The following SNX24 variants were observed in gnomAD, a reference collection of about 807,000 sequenced individuals.
SNX24 encodes sorting nexin 24.
In SNX24, 22 loss-of-function variants were observed where a neutral mutation model predicts 28.7. The ratio of observed to expected loss-of-function variants is 0.77; its 90% CI spans 0.55 to 1.10. The LOEUF (loss-of-function observed/expected upper bound fraction) is 1.10, where lower values mean the gene tolerates loss of function less well. SNX24 is among the 50% of genes least tolerant of loss of function. SNX24 has a pLI of 0.00. For synonymous variants in SNX24, 69 were observed against 71.5 expected, an observed-to-expected ratio of 0.96 and a Z score of 0.18; for missense variants, 221 against 201.1, an observed-to-expected ratio of 1.10 and a Z score of -0.60.
intron 1 of SNX24, among the ~76,000 whole-genome samples, chr5:122,858,334 G>T (rs1000000360): frequency 6.6e-6 from 1 of 152,134 alleles, no homozygotes; most frequent in African/African-American, 2.4e-5. Context: ...GAAAAATGCC[G>T]CCGATAGGCT....
intron 2 of SNX24, among the ~76,000 whole-genome samples, chr5:122,939,996 C>CT (rs11419088): frequency 0.39 from 57,569 of 147,636 alleles, 11,624 homozygotes; most frequent in African/African-American, 0.47. Context: ...TTTTCATTTT[C>CT]TTTTTTTTTT....
intron 1 of SNX24, among the ~76,000 whole-genome samples, chr5:122,905,043 C>T (rs1428527400): frequency 2.0e-5 from 3 of 152,174 alleles, no homozygotes; most frequent in African/African-American, 7.2e-5. Context: ...CAGAAAAGTT[C>T]TTCAAGTCCT....
chr5:122,872,728 T>G (rs1257789898), intron 1 of SNX24, among the ~76,000 whole-genome samples: 2 of 152,102 alleles, frequency 1.3e-5, no homozygotes, highest in African/African-American at 4.8e-5. Flanking sequence ...TTTTTTCCCT[T>G]TTGTTTTCTA....
intron 3 of SNX24, among the ~76,000 whole-genome samples, chr5:122,991,899 T>A (rs1373932431): frequency 6.6e-6 from 1 of 152,218 alleles, no homozygotes; most frequent in African/African-American, 2.4e-5. Flanking sequence ...AAGAATGTGT[T>A]TTAATTGAAC....
intron 1 of SNX24, among the ~76,000 whole-genome samples, chr5:122,930,367 A>G (rs1199809481): frequency 6.6e-6 from 1 of 152,222 alleles, no homozygotes; most frequent in Non-Finnish European, 1.5e-5. Flanking sequence ...TTATACATGA[A>G]TAATAATTTA....
chr5:122,993,898 G>A (rs989613912), intron 3 of SNX24, among the ~76,000 whole-genome samples: 11 of 152,056 alleles, frequency 7.2e-5, no homozygotes, highest in Non-Finnish European at 1.5e-4. Flanking sequence ...CCCAGCAGCC[G>A]GACATTTCAA....
chr5:122,902,401 A>C (rs1311195789), intron 1 of SNX24, among the ~76,000 whole-genome samples: 2 of 152,224 alleles, frequency 1.3e-5, no homozygotes, highest in Non-Finnish European at 2.9e-5. Context: ...TACAGGGGAA[A>C]TGGAAGAGGA....
At chr5:122,876,701 G>A (rs1581696043) in intron 1 of SNX24, among the ~76,000 whole-genome samples, 1 of 152,130 alleles carries the variant, frequency 6.6e-6, no homozygotes, top group Admixed American at 6.6e-5. Context: ...TATAATGAAT[G>A]CCCTATGGTA....
rs566092448 is a variant in SNX24 at position 122,914,233 on chromosome 5, C to G, written c.61-22501C>G. Among the ~76,000 whole-genome samples the G allele has an allele frequency of 1.2e-4, 18 of 152,302 alleles. No individual in the cohort carries two copies. In the East Asian group the frequency reaches 3.3e-3, roughly 28 times the overall value. Reference sequence around the variant, plus strand: ...GCATATATTGAACCAGCCTTGCATCCCAGGGATGAAGCCCACTTGATCATG... The same window carrying G: ...GCATATATTGAACCAGCCTTGCATCGCAGGGATGAAGCCCACTTGATCATG... On this transcript the variant is annotated intron_variant, in intron 1 of 6. Transcript: ENST00000261369.
rs1057198287 is a variant in SNX24, at chr5:122,930,324, T to C, written c.61-6410T>C. 3.9e-5 allele frequency among the ~76,000 whole-genome samples: 6 copies of C among 152,248 alleles called. No individual in the cohort carries two copies. The East Asian group carries it at 9.6e-4, about 24-fold the overall frequency. ...GTTTGGGTTATTTGTTTTTTGAGTT[T>C]TCCCGCAAACTGAGATTGACTTTTT... On this transcript the variant is annotated intron_variant, in intron 1 of 6. Coordinates refer to ENST00000261369, the MANE Select transcript of SNX24 (RefSeq NM_014035.4).
intron 3 of SNX24, among the ~76,000 whole-genome samples, chr5:122,973,003 A>G (rs1328221232): frequency 2.0e-5 from 3 of 152,234 alleles, no homozygotes; most frequent in Admixed American, 2.0e-4. Flanking sequence ...CCCATTGGGC[A>G]ATGACAGGAA....
chr5:122,930,577 T>A (rs1758906942), intron 1 of SNX24, among the ~76,000 whole-genome samples: 1 of 152,190 alleles, frequency 6.6e-6, no homozygotes, highest in African/African-American at 2.4e-5. Context: ...ATCCTTGTCT[T>A]GTTTTTCCCT....
downstream of SNX24, among the ~76,000 whole-genome samples, chr5:123,012,265 G>T (rs926888836): frequency 6.6e-6 from 1 of 152,144 alleles, no homozygotes; most frequent in African/African-American, 2.4e-5. Context: ...ATATATTCAT[G>T]TTCATAGCAT....
chr5:122,949,885 G>A (rs139342589), intron 3 of SNX24, among the ~76,000 whole-genome samples: 1,920 of 152,290 alleles, frequency 0.013, 21 homozygotes, highest in Non-Finnish European at 0.021. Flanking sequence ...TAATCAGGGA[G>A]ACATCAGAAG....
chr5:122,990,792 G>C (rs182520755), intron 3 of SNX24, among the ~76,000 whole-genome samples: 14 of 152,228 alleles, frequency 9.2e-5, no homozygotes, highest in Non-Finnish European at 1.5e-4. Flanking sequence ...TATTAAATCT[G>C]TTTTGGTTCG....
At chr5:122,893,354 C>G (rs1757062891) in intron 1 of SNX24, among the ~76,000 whole-genome samples, 1 of 151,940 alleles carries the variant, frequency 6.6e-6, no homozygotes, top group Non-Finnish European at 1.5e-5. Flanking sequence ...TGTACTTTCA[C>G]AATTCTACAT....
intron 5 of SNX24, among the ~76,000 whole-genome samples, chr5:123,024,561 T>G (rs1198414496): frequency 1.3e-5 from 2 of 152,224 alleles, no homozygotes; most frequent in Non-Finnish European, 2.9e-5. Context: ...GGCACCTTTC[T>G]CTACCCTGGA....
At chr5:122,906,913 G>T (rs377420157) in intron 1 of SNX24, among the ~76,000 whole-genome samples, 2 of 152,158 alleles carry the variant, frequency 1.3e-5, no homozygotes, top group Non-Finnish European at 2.9e-5. Context: ...CCCCAGCAGC[G>T]TGACTCTAGC....
intron 3 of SNX24, among the ~76,000 whole-genome samples, chr5:122,988,395 T>C (rs1234267418): frequency 6.6e-6 from 1 of 152,218 alleles, no homozygotes; most frequent in East Asian, 1.9e-4. Flanking sequence ...CAAACTCAGC[T>C]AAGAACTTCA....
Sources: gnomAD v4.1 joint callset for allele counts (sites outside exome capture counted in the v4.1 genomes callset) on GRCh38, gnomAD v4.1.1 for gene constraint, MANE v1.5 for transcripts, NCBI Gene and HGNC (gene_info 2026-07-23, HGNC 2026-07-21) for gene names.